CDYL2: variants seen among roughly 807,000 people sequenced by gnomAD.
The protein encoded by CDYL2 is chromodomain Y-like protein 2.
CDYL2 carries 23 observed loss-of-function variants against 49.4 expected under a neutral mutation model. The ratio of observed to expected loss-of-function variants is 0.47; its 90% CI spans 0.34 to 0.66. The LOEUF is 0.66. Among genes scored for constraint, CDYL2 ranks in the 30% least tolerant of loss-of-function variants. The pLI is 0.01. For missense variants in CDYL2, 678 were observed against 656.4 expected, an observed-to-expected ratio of 1.03 and a Z score of -0.36; for synonymous variants, 360 against 268.8, an observed-to-expected ratio of 1.34 and a Z score of -3.32.
intron 2 of CDYL2, among the ~76,000 whole-genome samples, chr16:80,649,601 A>C (rs1908498375): frequency 6.6e-6 from 1 of 152,232 alleles, no homozygotes; most frequent in Admixed American, 6.5e-5. Flanking sequence ...AATATTCTTC[A>C]CAGAAATAGA....
chr16:80,603,880 T>C lies in CDYL2; in HGVS notation c.*508A>G, dbSNP rs753229384. The stretch of plus-strand genomic sequence containing the variant: ...ACCAAGCCCTAATAGTCACACAGAT[T>C]TGCGTCGGAAAGGAGACTGAGGCCA... On this transcript the variant is annotated 3_prime_UTR_variant, in exon 7 of 7. Coordinates refer to ENST00000570137, the MANE Select transcript of CDYL2 (RefSeq NM_152342.4). 17 of 154,936 alleles carry C rather than the reference T, an allele frequency of 1.1e-4. No individual in the cohort carries two copies. Among genetic ancestry groups the C allele is most frequent in the Non-Finnish European group, 1.9e-4 (13 of 69,498 alleles). The allele number at this position is 154,936 out of a possible 1,614,324, so 9.6% of individuals were successfully genotyped here.
chr16:80,762,824 G>A (rs1906578248), intron 1 of CDYL2, among the ~76,000 whole-genome samples: 1 of 152,084 alleles, frequency 6.6e-6, no homozygotes, highest in African/African-American at 2.4e-5. Flanking sequence ...GCTCCCTGGT[G>A]TCCCTAAATG....
At chr16:80,663,402 G>A (rs568571460) in intron 2 of CDYL2, among the ~76,000 whole-genome samples, 3 of 151,608 alleles carry the variant, frequency 2.0e-5, no homozygotes, top group African/African-American at 7.3e-5. Context: ...GCAATAGCAG[G>A]GCTCAAATTC....
chr16:80,656,430 T>C (rs6564776), intron 2 of CDYL2, among the ~76,000 whole-genome samples: 149,871 of 152,366 alleles, frequency 0.98, 73,721 homozygotes, highest in Middle Eastern at 1. Flanking sequence ...ATCCCCCTCA[T>C]GGGCTGCAGG....
At chr16:80,638,260 G>C (rs1178686651) in intron 2 of CDYL2, among the ~76,000 whole-genome samples, 1 of 152,056 alleles carries the variant, frequency 6.6e-6, no homozygotes. Flanking sequence ...TTTTCGCAGA[G>C]AACAGGGTCT....
At chr16:80,793,667 T>C (rs547611511) in intron 1 of CDYL2, among the ~76,000 whole-genome samples, 2 of 152,356 alleles carry the variant, frequency 1.3e-5, no homozygotes, top group Admixed American at 6.5e-5. Flanking sequence ...AGCTTAGGGT[T>C]TAGCAGAACA....
In CDYL2 at chr16:80,612,544, C is replaced by G. The variant is rs774895864; in HGVS notation, c.1218+82G>C. The G allele has an allele frequency of 8.0e-6, 11 of 1,377,994 alleles. No individual in the cohort carries two copies. Among genetic ancestry groups the G allele is most frequent in the Non-Finnish European group, 1.1e-5 (11 of 1,010,680 alleles). The allele number at this position is 1,377,994 out of a possible 1,614,324, so 85.4% of individuals were successfully genotyped here. ...GCAGGCTGACAACACCCTCAGGTTT[C>G]TAGCCCCATGAAGAGCCCCTAAACC... On this transcript the variant is annotated intron_variant, in intron 5 of 6. Transcript: ENST00000570137. The surrounding 1 kb of genome is among the most constrained non-coding windows in gnomAD (Gnocchi z 5.0).
chr16:80,634,080 CA>C (rs542771969), intron 2 of CDYL2, among the ~76,000 whole-genome samples: 9,309 of 128,828 alleles, frequency 0.072, 766 homozygotes, highest in African/African-American at 0.22. Flanking sequence ...TACCTCCGTC[CA>C]AAAAAAAAAA....
intron 2 of CDYL2, among the ~76,000 whole-genome samples, chr16:80,643,262 C>T (rs140743400): frequency 2.2e-3 from 332 of 148,788 alleles, no homozygotes; most frequent in African/African-American, 6.9e-3. Flanking sequence ...ATCCAGGTCA[C>T]GCTGATTCAA....
intron 1 of CDYL2, among the ~76,000 whole-genome samples, chr16:80,712,103 A>T (rs1373704111): frequency 6.8e-6 from 1 of 146,122 alleles, no homozygotes; most frequent in Admixed American, 6.8e-5. Flanking sequence ...ATATATGTGT[A>T]TATATGTGTA....
intron 2 of CDYL2, among the ~76,000 whole-genome samples, chr16:80,667,429 G>A (rs116205349): frequency 4.9e-4 from 74 of 152,228 alleles, no homozygotes; most frequent in African/African-American, 1.6e-3. Flanking sequence ...TTTTTCCTCA[G>A]TCATTTCGGC....
intron 1 of CDYL2, among the ~76,000 whole-genome samples, chr16:80,775,055 T>C (rs1455868833): frequency 6.6e-6 from 1 of 152,032 alleles, no homozygotes; most frequent in Non-Finnish European, 1.5e-5. Flanking sequence ...TATATCTTCA[T>C]TTCTTGAACA....
In CDYL2 at chr16:80,739,002, C is replaced by G. The variant is rs143228767; in HGVS notation, c.25-53873G>C. On this transcript the variant is annotated intron_variant, in intron 1 of 6. Transcript: ENST00000570137. The stretch of plus-strand genomic sequence containing the variant: ...CACAAGGTGAAAAAGGTGGAAGCAA[C>G]CCGATTTTCCATCAATGGATGAATG... Among the ~76,000 whole-genome samples the G allele has an allele frequency of 5.3e-4, 81 of 152,154 alleles. No homozygotes were observed. In the East Asian group the frequency reaches 0.013, roughly 25 times the overall value.
At chr16:80,643,293 T>A (rs999723542) in intron 2 of CDYL2, among the ~76,000 whole-genome samples, 1 of 152,218 alleles carries the variant, frequency 6.6e-6, no homozygotes, top group Non-Finnish European at 1.5e-5. Flanking sequence ...CCCGTGGTCT[T>A]GGGCAGCTCC....
chr16:80,782,286 C>A (rs1271507533), intron 1 of CDYL2, among the ~76,000 whole-genome samples: 1 of 151,702 alleles, frequency 6.6e-6, no homozygotes, highest in African/African-American at 2.4e-5. Flanking sequence ...GCAAAACAGA[C>A]TCAAAAATGA....
chr16:80,626,665 A>C (rs1398265314), intron 3 of CDYL2, among the ~76,000 whole-genome samples: 3 of 152,240 alleles, frequency 2.0e-5, no homozygotes, highest in African/African-American at 7.2e-5. Context: ...GCCTGGGTGA[A>C]GCTTAGAGGC....
At chr16:80,758,331 A>G (rs1055451387) in intron 1 of CDYL2, among the ~76,000 whole-genome samples, 20 of 110,390 alleles carry the variant, frequency 1.8e-4, no homozygotes, top group Non-Finnish European at 3.1e-4. Flanking sequence ...TACAATAATA[A>G]ACAAAAGTAA....
intron 1 of CDYL2, among the ~76,000 whole-genome samples, chr16:80,800,281 C>CGTA (rs1907886471): frequency 6.6e-6 from 1 of 152,164 alleles, no homozygotes. Context: ...GAAGGCTACA[C>CGTA]CCTGGATCAG....
intron 3 of CDYL2, 46 bp downstream of exon 3, chr16:80,632,973 G>A (rs879018259): frequency 3.2e-6 from 5 of 1,560,220 alleles, no homozygotes; most frequent in Non-Finnish European, 3.5e-6. Context: ...TGAGTGAGAA[G>A]GAGCCACAGC....
Sources: gnomAD v4.1 joint callset for allele counts (sites outside exome capture counted in the v4.1 genomes callset) on GRCh38, gnomAD v4.1.1 for gene constraint, Gnocchi (gnomAD v3.1) non-coding constraint, MANE v1.5 for transcripts, NCBI Gene and HGNC (gene_info 2026-07-23, HGNC 2026-07-21) for gene names.